The following EVC2 variants were observed in gnomAD, a reference collection of about 807,000 sequenced individuals.
EVC2 encodes EvC ciliary complex subunit 2.
EVC2 carries 148 observed loss-of-function variants against 149.3 expected under a neutral mutation model. The observed-to-expected ratio is 0.99, with a 90% CI of 0.87 to 1.14. The LOEUF (loss-of-function observed/expected upper bound fraction) is 1.14, where lower values mean the gene tolerates loss of function less well. Ranked by LOEUF, EVC2 falls within the 50% of genes most tolerant of loss-of-function variation. The pLI is 0.00. For synonymous variants in EVC2, 776 were observed against 649.9 expected (o/e 1.19, Z -2.95); for missense variants, 1,854 against 1,627.3 (o/e 1.14, Z -2.40).
At chr4:5,697,572 T>C in intron 2 of EVC2, 21 bp downstream of exon 2, 2 of 1,613,796 alleles carry the variant, frequency 1.2e-6, no homozygotes, top group Non-Finnish European at 1.7e-6. Context: ...CAGGGGAACA[T>C]CAACCAGAAG....
At chr4:5,690,528 C>G (rs952555963) in intron 4 of EVC2, among the ~76,000 whole-genome samples, 1 of 151,550 alleles carries the variant, frequency 6.6e-6, no homozygotes, top group Admixed American at 6.6e-5. Flanking sequence ...GGCTAGAGAA[C>G]GAGTAACTGA....
chr4:5,572,851 A>G (rs1184096390), intron 19 of EVC2, among the ~76,000 whole-genome samples: 1 of 152,162 alleles, frequency 6.6e-6, no homozygotes. Context: ...ACGCAGAGAC[A>G]TAGGCCGGGG....
At chr4:5,534,285 G>A in the EVC2 span, among the ~76,000 whole-genome samples, 2 of 152,172 alleles carry the variant, frequency 1.3e-5, no homozygotes, top group African/African-American at 4.8e-5. Flanking sequence ...TGTGGGTGCT[G>A]TTCACTGCCA....
chr4:5,626,321 C>T (rs990406912), intron 12 of EVC2, among the ~76,000 whole-genome samples: 1 of 141,380 alleles, frequency 7.1e-6, no homozygotes, highest in Non-Finnish European at 1.5e-5. Context: ...CCAGATGAAA[C>T]GTTCTTCTTG....
intron 10 of EVC2, among the ~76,000 whole-genome samples, chr4:5,639,605 C>T (rs1347819688): frequency 6.6e-6 from 1 of 152,182 alleles, no homozygotes; most frequent in Non-Finnish European, 1.5e-5. Flanking sequence ...CTAATTAAGG[C>T]CTTCAGGAGC....
chr4:5,696,064 G>A lies in EVC2; in HGVS notation c.283+1529C>T, dbSNP rs904339714. On this transcript the variant is annotated intron_variant, in intron 2 of 21. Transcript: ENST00000344408. The surrounding 1 kb of genome is among the most constrained non-coding windows in gnomAD (Gnocchi z 4.1). ...TGGAAACAAGTGGGTGCTCCACCAG[G>A]TGAGCGGCTGATTCAGAGCATCGGG... Among the ~76,000 whole-genome samples, 2 of 152,180 alleles carry A rather than the reference G, an allele frequency of 1.3e-5. No homozygotes were observed. Among genetic ancestry groups the A allele is most frequent in the Non-Finnish European group, 2.9e-5 (2 of 68,038 alleles).
At chr4:5,641,485 C>G (rs1293387071) in intron 9 of EVC2, among the ~76,000 whole-genome samples, 1 of 152,142 alleles carries the variant, frequency 6.6e-6, no homozygotes, top group Non-Finnish European at 1.5e-5. Flanking sequence ...AAAATAAAGT[C>G]TACTTGAAAA....
intron 9 of EVC2, among the ~76,000 whole-genome samples, chr4:5,643,798 G>GT (rs752646657): frequency 2.8e-4 from 43 of 152,286 alleles, no homozygotes; most frequent in Non-Finnish European, 5.4e-4. Context: ...GCAGGCGCCT[G>GT]TAACCCCAGC....
intron 4 of EVC2, among the ~76,000 whole-genome samples, chr4:5,689,605 G>A (rs1164899841): frequency 6.6e-6 from 1 of 152,158 alleles, no homozygotes; most frequent in East Asian, 1.9e-4. Context: ...TCCTTGCAGA[G>A]AATCTTAGAA....
chr4:5,610,127 G>C (rs956374341), intron 16 of EVC2, among the ~76,000 whole-genome samples: 1 of 152,124 alleles, frequency 6.6e-6, no homozygotes, highest in East Asian at 1.9e-4. Flanking sequence ...GTGAGGATTA[G>C]AGTGGATAGA....
chr4:5,698,585 C>A (rs1250629858), intron 1 of EVC2, among the ~76,000 whole-genome samples: 1 of 152,214 alleles, frequency 6.6e-6, no homozygotes, highest in Non-Finnish European at 1.5e-5. Flanking sequence ...GACCTCTCTA[C>A]TGAATAACAG....
At chr4:5,606,479 A>C (rs892849011) in intron 16 of EVC2, among the ~76,000 whole-genome samples, 1 of 152,230 alleles carries the variant, frequency 6.6e-6, no homozygotes, top group African/African-American at 2.4e-5. Context: ...CCAAGCCAAC[A>C]GAGCTTAAAA....
chr4:5,571,609 G>GT (rs1722650293), intron 19 of EVC2, among the ~76,000 whole-genome samples: 1 of 152,144 alleles, frequency 6.6e-6, no homozygotes, highest in Non-Finnish European at 1.5e-5. Flanking sequence ...AGCAAGAGGA[G>GT]TAAGGACAAA....
At chr4:5,585,846 T>C (rs1712233874) in intron 16 of EVC2, among the ~76,000 whole-genome samples, 1 of 152,140 alleles carries the variant, frequency 6.6e-6, no homozygotes, top group Non-Finnish European at 1.5e-5. Context: ...CATATTTTTT[T>C]ATCTAGCTGT....
Position 5,618,811 on chromosome 4 carries a change from T to C in EVC2, c.2502-129A>G, listed in dbSNP as rs1240124208. On this transcript the variant is annotated intron_variant, in intron 14 of 21. Transcript: ENST00000344408. The surrounding 1 kb of genome is among the most constrained non-coding windows in gnomAD (Gnocchi z 4.4). ...TGCAGAAAAAGCACTGGCTCCTTAA[T>C]CATGCATTCCTGCCACAGGCATTCC... 4 of 861,480 alleles carry C rather than the reference T, an allele frequency of 4.6e-6. No individual in the cohort carries two copies. The East Asian group carries it at 7.9e-5, about 17-fold the overall frequency. The allele number at this position is 861,480 out of a possible 1,614,324, so 53.4% of individuals were successfully genotyped here.
At chr4:5,542,870 C>T (rs748327228) in exon 23 of EVC2, 2 of 310,824 alleles carry the variant, frequency 6.4e-6, no homozygotes, top group Admixed American at 4.4e-5. Context: ...ATAGGAACAA[C>T]AGCAGCTCTC....
At chr4:5,539,745 T>G (rs1457359119), downstream of EVC2, among the ~76,000 whole-genome samples, 1 of 151,246 alleles carries the variant, frequency 6.6e-6, no homozygotes, top group Non-Finnish European at 1.5e-5. Flanking sequence ...GAAAGGAACT[T>G]TGATTCATAG....
intron 9 of EVC2, among the ~76,000 whole-genome samples, chr4:5,641,428 T>C (rs1717321303): frequency 1.3e-5 from 2 of 152,194 alleles, no homozygotes; most frequent in African/African-American, 4.8e-5. Flanking sequence ...ACATGGGAAT[T>C]ATCTGTATTA....
chr4:5,628,241 A>T (rs1272072232), intron 12 of EVC2, among the ~76,000 whole-genome samples: 1 of 152,122 alleles, frequency 6.6e-6, no homozygotes, highest in East Asian at 1.9e-4. Flanking sequence ...GACAGTATTA[A>T]GAGACGGGAC....
Sources: gnomAD v4.1 joint callset for allele counts (sites outside exome capture counted in the v4.1 genomes callset) on GRCh38, gnomAD v4.1.1 for gene constraint, Gnocchi (gnomAD v3.1) non-coding constraint, MANE v1.5 for transcripts, NCBI Gene and HGNC (gene_info 2026-07-23, HGNC 2026-07-21) for gene names.